Variants in AGBL4 observed in about 807,000 individuals in gnomAD.
The protein encoded by AGBL4 is cytosolic carboxypeptidase 6.
AGBL4 carries 58 observed loss-of-function variants against 66.4 expected under a neutral mutation model. The observed-to-expected ratio is 0.87, with a 90% confidence interval of 0.71 to 1.09. AGBL4 has a LOEUF of 1.09. AGBL4 is among the 50% of genes least tolerant of loss of function. The pLI is 0.00. For missense variants in AGBL4, 579 were observed against 631.0 expected (o/e 0.92, Z 0.88); for synonymous variants, 234 against 222.9 (o/e 1.05, Z -0.44).
chr1:49,256,838 C>A (rs938121058), intron 3 of AGBL4, among the ~76,000 whole-genome samples: 4 of 152,124 alleles, frequency 2.6e-5, no homozygotes, highest in Non-Finnish European at 4.4e-5. Flanking sequence ...AGACGCAATA[C>A]ATATTAAAAA....
intron 3 of AGBL4, among the ~76,000 whole-genome samples, chr1:49,249,655 G>C (rs1651898125): frequency 6.6e-6 from 1 of 152,156 alleles, no homozygotes; most frequent in Non-Finnish European, 1.5e-5. Flanking sequence ...ATGGAATACT[G>C]TATACAAGTT....
chr1:48,762,613 T>TG (rs1451539906), intron 6 of AGBL4, among the ~76,000 whole-genome samples: 18 of 73,722 alleles, frequency 2.4e-4, no homozygotes, highest in African/African-American at 7.3e-4. Context: ...CTTTAAGGGT[T>TG]TTGTGTGTGT....
intron 3 of AGBL4, among the ~76,000 whole-genome samples, chr1:49,682,545 G>A (rs1646715355): frequency 6.6e-6 from 1 of 152,186 alleles, no homozygotes; most frequent in African/African-American, 2.4e-5. Flanking sequence ...CATTGTTATT[G>A]CCCACTCATC....
intron 3 of AGBL4, among the ~76,000 whole-genome samples, chr1:49,360,406 T>C (rs997335682): frequency 6.6e-6 from 1 of 152,238 alleles, no homozygotes; most frequent in African/African-American, 2.4e-5. Context: ...GTGTATCTAA[T>C]AATTCATTCC....
At chr1:48,962,444 G>A (rs577383488) in intron 5 of AGBL4, among the ~76,000 whole-genome samples, 24 of 152,162 alleles carry the variant, frequency 1.6e-4, no homozygotes, top group Non-Finnish European at 2.8e-4. Flanking sequence ...TGTAAAGAGC[G>A]CTTATGCTAT....
chr1:49,245,306 A>G (rs989153377), intron 4 of AGBL4, among the ~76,000 whole-genome samples: 2 of 150,446 alleles, frequency 1.3e-5, no homozygotes, highest in Admixed American at 1.3e-4. Flanking sequence ...AAAACACAAA[A>G]ACCATGCAAA....
intron 3 of AGBL4, among the ~76,000 whole-genome samples, chr1:49,677,944 A>G (rs1646613206): frequency 6.6e-6 from 1 of 152,116 alleles, no homozygotes; most frequent in Non-Finnish European, 1.5e-5. Flanking sequence ...TAAGAAAACA[A>G]ATTTCTGCTG....
At chr1:48,646,882 C>T (rs1426433406) in intron 8 of AGBL4, among the ~76,000 whole-genome samples, 1 of 152,094 alleles carries the variant, frequency 6.6e-6, no homozygotes, top group Non-Finnish European at 1.5e-5. Flanking sequence ...TGAAACGATA[C>T]CTATAATGTG....
chr1:48,724,991 A>G (rs1411763443), intron 6 of AGBL4, among the ~76,000 whole-genome samples: 3 of 152,228 alleles, frequency 2.0e-5, no homozygotes, highest in Non-Finnish European at 4.4e-5. Flanking sequence ...CAAGTGAGGG[A>G]AAAATCATTT....
At chr1:48,656,919 C>T (rs903525255) in intron 7 of AGBL4, among the ~76,000 whole-genome samples, 1 of 152,148 alleles carries the variant, frequency 6.6e-6, no homozygotes, top group Non-Finnish European at 1.5e-5. Flanking sequence ...ACTTCAGCAA[C>T]ACACTATTTA....
intron 3 of AGBL4, among the ~76,000 whole-genome samples, chr1:49,688,082 T>C (rs747105936): frequency 5.3e-5 from 8 of 152,226 alleles, no homozygotes; most frequent in Non-Finnish European, 1.2e-4. Flanking sequence ...CCAATTATAC[T>C]ATATTAGTTG....
chr1:49,363,003 G>A (rs1157608389), intron 3 of AGBL4, among the ~76,000 whole-genome samples: 2 of 152,136 alleles, frequency 1.3e-5, no homozygotes, highest in Non-Finnish European at 2.9e-5. Context: ...CTGCATATAA[G>A]GGTCAGCAAC....
At chr1:48,842,866 TACA>T (rs746632896) in intron 6 of AGBL4, among the ~76,000 whole-genome samples, 25 of 152,068 alleles carry the variant, frequency 1.6e-4, no homozygotes, top group African/African-American at 4.6e-4. Context: ...CGTTGCATGC[TACA>T]ACATCAATGA....
At chr1:49,831,981 T>C (rs1645695954) in intron 2 of AGBL4, among the ~76,000 whole-genome samples, 1 of 129,466 alleles carries the variant, frequency 7.7e-6, no homozygotes, top group African/African-American at 2.9e-5. Flanking sequence ...GTGGATAAGC[T>C]TTTTTTTTTT....
chr1:48,539,583 C>G (rs964871517), intron 12 of AGBL4, 59 bp downstream of exon 12: 24 of 1,336,656 alleles, frequency 1.8e-5, no homozygotes, highest in Non-Finnish European at 2.2e-5. Flanking sequence ...GGGAAGTTGC[C>G]CCTGAATACA....
At chr1:49,362,605 C>G (rs532688621) in intron 3 of AGBL4, among the ~76,000 whole-genome samples, 24 of 152,230 alleles carry the variant, frequency 1.6e-4, no homozygotes, top group Admixed American at 1.4e-3. Flanking sequence ...CTCTCCCTCT[C>G]AGAGCTCGTT....
intron 3 of AGBL4, among the ~76,000 whole-genome samples, chr1:49,633,114 A>G (rs1645604192): frequency 6.6e-6 from 1 of 151,760 alleles, no homozygotes; most frequent in Non-Finnish European, 1.5e-5. Flanking sequence ...AAAAAAATAA[A>G]AAATCCAGAA....
At chr1:48,695,247 T>C (rs891336067) in intron 6 of AGBL4, among the ~76,000 whole-genome samples, 4 of 152,212 alleles carry the variant, frequency 2.6e-5, no homozygotes, top group Non-Finnish European at 5.9e-5. Context: ...CAGTTCCTAG[T>C]TCCCCAGCTG....
At chr1:49,138,509 A>G (rs773533290) in intron 4 of AGBL4, among the ~76,000 whole-genome samples, 5 of 152,098 alleles carry the variant, frequency 3.3e-5, no homozygotes, top group Non-Finnish European at 2.9e-5. Flanking sequence ...TCTCCATCAC[A>G]TGGAGTCTGG....
Sources: gnomAD v4.1 joint callset for allele counts (sites outside exome capture counted in the v4.1 genomes callset) on GRCh38, gnomAD v4.1.1 for gene constraint, MANE v1.5 for transcripts, NCBI Gene and HGNC (gene_info 2026-07-23, HGNC 2026-07-21) for gene names.